Variants in CDH12 observed in about 807,000 individuals in gnomAD.
CDH12 encodes cadherin 12.
Under a neutral mutation model 74.1 loss-of-function variants are expected in CDH12, and 41 were observed. The ratio of observed to expected loss-of-function variants is 0.55; its 90% confidence interval spans 0.43 to 0.72. The LOEUF is 0.72. CDH12 is among the 30% of genes least tolerant of loss of function. The pLI is 0.00. For synonymous variants in CDH12, 399 were observed against 355.0 expected (o/e 1.12, Z -1.39); for missense variants, 945 against 977.2 (o/e 0.97, Z 0.44).
intron 2 of CDH12, among the ~76,000 whole-genome samples, chr5:22,412,049 C>A (rs1743191256): frequency 6.6e-6 from 1 of 151,888 alleles, no homozygotes; most frequent in Non-Finnish European, 1.5e-5. Flanking sequence ...AAAATTTATT[C>A]CTACACCATC....
chr5:22,611,216 CA>C (rs1426911373), intron 1 of CDH12, among the ~76,000 whole-genome samples: 2 of 152,082 alleles, frequency 1.3e-5, no homozygotes, highest in Non-Finnish European at 2.9e-5. Context: ...TGACTTATCC[CA>C]AAACTGAACC....
chr5:22,490,109 G>C (rs1402705732), intron 2 of CDH12, among the ~76,000 whole-genome samples: 1 of 151,584 alleles, frequency 6.6e-6, no homozygotes, highest in African/African-American at 2.4e-5. Context: ...AATCTTAATA[G>C]CTAGAGCAAT....
At chr5:22,819,972 C>A (rs944279555) in intron 1 of CDH12, among the ~76,000 whole-genome samples, 1 of 139,632 alleles carries the variant, frequency 7.2e-6, no homozygotes, top group Non-Finnish European at 1.6e-5. Flanking sequence ...CATATATATA[C>A]ATATACATAT....
At chr5:22,192,884 C>CA (rs1388748238) in intron 4 of CDH12, among the ~76,000 whole-genome samples, 1 of 152,128 alleles carries the variant, frequency 6.6e-6, no homozygotes, top group Non-Finnish European at 1.5e-5. Context: ...AGGCTGAGTC[C>CA]AGGCAAGAAT....
chr5:21,886,366 T>C (rs1333684543), intron 6 of CDH12, among the ~76,000 whole-genome samples: 2 of 151,596 alleles, frequency 1.3e-5, no homozygotes, highest in African/African-American at 4.8e-5. Context: ...TGTGAAATTA[T>C]AAATTTTGCT....
intron 3 of CDH12, among the ~76,000 whole-genome samples, chr5:22,293,327 C>G (rs1298756383): frequency 6.6e-6 from 1 of 152,108 alleles, no homozygotes; most frequent in South Asian, 2.1e-4. Flanking sequence ...GAGCAGCACC[C>G]TTCTGCAGAA....
intron 3 of CDH12, among the ~76,000 whole-genome samples, chr5:22,387,740 T>G (rs1742059398): frequency 6.6e-6 from 1 of 152,146 alleles, no homozygotes; most frequent in African/African-American, 2.4e-5. Flanking sequence ...TGAGAGTTCT[T>G]TAGATATCTT....
intron 9 of CDH12, among the ~76,000 whole-genome samples, chr5:21,808,674 A>G (rs1747572513): frequency 6.6e-6 from 1 of 152,110 alleles, no homozygotes; most frequent in Non-Finnish European, 1.5e-5. Flanking sequence ...GTTCAGAACA[A>G]GCATCATTTT....
intron 3 of CDH12, among the ~76,000 whole-genome samples, chr5:22,399,324 A>C (rs1742610967): frequency 6.6e-6 from 1 of 152,128 alleles, no homozygotes; most frequent in Admixed American, 6.6e-5. Flanking sequence ...GACACAAAGC[A>C]AACATGTAAG....
intron 1 of CDH12, among the ~76,000 whole-genome samples, chr5:22,793,883 T>A (rs996927764): frequency 6.6e-6 from 1 of 152,194 alleles, no homozygotes; most frequent in Admixed American, 6.5e-5. Flanking sequence ...TTATGCTTCT[T>A]AACTACTCCT....
intron 3 of CDH12, among the ~76,000 whole-genome samples, chr5:22,355,984 T>C (rs560033269): frequency 1.4e-4 from 21 of 152,222 alleles, no homozygotes; most frequent in Non-Finnish European, 2.9e-4. Flanking sequence ...CTTCTGAGAA[T>C]GATGTGTTAA....
At chr5:22,615,543 C>T (rs1283244410) in intron 1 of CDH12, among the ~76,000 whole-genome samples, 1 of 151,980 alleles carries the variant, frequency 6.6e-6, no homozygotes, top group South Asian at 2.1e-4. Context: ...GGCTGCTCTT[C>T]AAGATCCCTG....
At chr5:21,921,665 C>T (rs994920588) in intron 6 of CDH12, among the ~76,000 whole-genome samples, 1 of 152,116 alleles carries the variant, frequency 6.6e-6, no homozygotes, top group African/African-American at 2.4e-5. Context: ...GTTCTCATGC[C>T]TTTTTCTCTC....
At chr5:22,174,816 C>T (rs968774488) in intron 4 of CDH12, among the ~76,000 whole-genome samples, 4 of 151,954 alleles carry the variant, frequency 2.6e-5, no homozygotes, top group African/African-American at 9.7e-5. Flanking sequence ...CACAACCATA[C>T]AGATAACTAA....
chr5:22,465,753 GA>G (rs1745701905), intron 2 of CDH12, among the ~76,000 whole-genome samples: 2 of 152,172 alleles, frequency 1.3e-5, no homozygotes, highest in African/African-American at 4.8e-5. Flanking sequence ...TAAATGGCAT[GA>G]TCATGCACTC....
chr5:21,811,023 C>T (rs1197867276), intron 9 of CDH12, among the ~76,000 whole-genome samples: 2 of 151,976 alleles, frequency 1.3e-5, no homozygotes, highest in East Asian at 3.9e-4. Context: ...GGCACCTTAG[C>T]CGATTTGTTA....
rs1160235650 is a variant in CDH12, at chr5:22,846,330, G to A, written c.-523+6728C>T. On this transcript the variant is annotated intron_variant, in intron 1 of 14. Transcript: ENST00000382254. ...AGTCAGCAGAGGGATTAGAAGTAAA[G>A]GCATAGATTTGGAAAAAGCATCCAG... Among the ~76,000 whole-genome samples the A allele has an allele frequency of 3.3e-5, 5 of 152,104 alleles. No homozygotes were observed. The East Asian group carries it at 9.6e-4, about 29-fold the overall frequency.
At chr5:22,529,675 G>A (rs1342137393) in intron 1 of CDH12, among the ~76,000 whole-genome samples, 1 of 152,078 alleles carries the variant, frequency 6.6e-6, no homozygotes, top group Non-Finnish European at 1.5e-5. Context: ...TAAATGTCTG[G>A]GCAGCCTGTG....
intron 7 of CDH12, among the ~76,000 whole-genome samples, chr5:21,849,568 A>G (rs1486702778): frequency 6.6e-6 from 1 of 151,796 alleles, no homozygotes; most frequent in Non-Finnish European, 1.5e-5. Context: ...TTGCTATCCC[A>G]TAATCAATTC....
Sources: allele counts gnomAD v4.1 joint callset (sites outside exome capture counted in the v4.1 genomes callset), GRCh38; gene constraint gnomAD v4.1.1; transcripts MANE v1.5; gene names NCBI Gene and HGNC (gene_info 2026-07-23, HGNC 2026-07-21).